Variants in FGF18 observed in about 807,000 individuals in gnomAD.
The protein encoded by FGF18 is fibroblast growth factor 18.
FGF18 carries 5 observed loss-of-function variants against 23.0 expected under a neutral mutation model. The ratio of observed to expected loss-of-function variants is 0.22; its 90% CI spans 0.11 to 0.46. FGF18 has a LOEUF of 0.46. Among genes scored for constraint, FGF18 ranks in the 20% least tolerant of loss-of-function variants. FGF18 has a pLI of 0.99. For synonymous variants in FGF18, 117 were observed against 118.9 expected, an observed-to-expected ratio of 0.98 and a Z score of 0.10; for missense variants, 180 against 291.6, an observed-to-expected ratio of 0.62 and a Z score of 2.79.
chr5:171,449,409 G>T (rs1431051121), intron 4 of FGF18, among the ~76,000 whole-genome samples, 156 bp downstream of exon 4: 2 of 150,528 alleles, frequency 1.3e-5, no homozygotes, highest in African/African-American at 5.0e-5. Context: ...GTGAGAGAGA[G>T]AGAGAGAGAG....
At chr5:171,430,267 A>C (rs1423977039) in intron 2 of FGF18, among the ~76,000 whole-genome samples, 8 of 148,906 alleles carry the variant, frequency 5.4e-5, no homozygotes, top group Admixed American at 3.3e-4. Flanking sequence ...CTGAGGCGGG[A>C]GAATCACATG....
intron 4 of FGF18, among the ~76,000 whole-genome samples, chr5:171,455,457 C>T (rs1001338871): frequency 2.6e-5 from 4 of 152,146 alleles, no homozygotes; most frequent in African/African-American, 7.2e-5. Flanking sequence ...CTGTTGTAAG[C>T]GATAGAACAC....
chr5:171,449,095 G>A (rs1286000027), intron 3 of FGF18, 52 bp from the exon 4 acceptor site: 6 of 1,347,970 alleles, frequency 4.5e-6, no homozygotes, highest in Non-Finnish European at 6.4e-6. Flanking sequence ...TTTAGACCAA[G>A]CCATTGCCCC....
intron 2 of FGF18, among the ~76,000 whole-genome samples, chr5:171,420,828 CA>C (rs1180669076): frequency 6.6e-6 from 1 of 152,240 alleles, no homozygotes; most frequent in Non-Finnish European, 1.5e-5. Context: ...CGCTTCCAAA[CA>C]AAAAGACTTT....
At chr5:171,424,709 G>A (rs927091736) in intron 2 of FGF18, among the ~76,000 whole-genome samples, 2 of 152,126 alleles carry the variant, frequency 1.3e-5, no homozygotes, top group African/African-American at 2.4e-5. Flanking sequence ...TGGGCTTGAG[G>A]GTGTCTGACT....
intron 3 of FGF18, among the ~76,000 whole-genome samples, chr5:171,438,022 G>A (rs1772277730): frequency 6.6e-6 from 1 of 152,102 alleles, no homozygotes; most frequent in Admixed American, 6.5e-5. Flanking sequence ...CCTCAGACAA[G>A]CACTTTGCCT....
At chr5:171,429,541 G>C (rs558471251) in intron 2 of FGF18, among the ~76,000 whole-genome samples, 1 of 152,362 alleles carries the variant, frequency 6.6e-6, no homozygotes, top group Non-Finnish European at 1.5e-5. Flanking sequence ...GAGGAGTGAA[G>C]GTCTCCAGTT....
chr5:171,443,531 T>A (rs1333569340), intron 3 of FGF18, among the ~76,000 whole-genome samples: 3 of 115,024 alleles, frequency 2.6e-5, no homozygotes, highest in Non-Finnish European at 3.7e-5. Flanking sequence ...TTTTTTTTTT[T>A]TAGCAGAGAC....
intron 2 of FGF18, among the ~76,000 whole-genome samples, chr5:171,422,113 T>C (rs1561883025): frequency 6.6e-6 from 1 of 151,844 alleles, no homozygotes; most frequent in Non-Finnish European, 1.5e-5. Context: ...AGCCTCTGGA[T>C]GCCTGCTGCT....
At chr5:171,425,398 T>G (rs1772074769) in intron 2 of FGF18, among the ~76,000 whole-genome samples, 1 of 152,056 alleles carries the variant, frequency 6.6e-6, no homozygotes, top group Non-Finnish European at 1.5e-5. Flanking sequence ...TTTTTGTATT[T>G]TTAGTAGAGA....
chr5:171,423,773 C>CTTTTTTTTTTTT, intron 2 of FGF18, among the ~76,000 whole-genome samples: 1 of 103,334 alleles, frequency 9.7e-6, no homozygotes, highest in Non-Finnish European at 1.9e-5. Flanking sequence ...GTGGATGGCA[C>CTTTTTTTTTTTT]TTTTTTTTTT....
At chr5:171,421,899 C>T (rs987607618) in intron 2 of FGF18, among the ~76,000 whole-genome samples, 3 of 151,998 alleles carry the variant, frequency 2.0e-5, no homozygotes, top group Non-Finnish European at 4.4e-5. Context: ...TGGGGAACGG[C>T]TGGTGTCAAA....
At chr5:171,449,098 A>G (rs1187071453) in intron 3 of FGF18, 49 bp from the exon 4 acceptor site, 1 of 1,387,938 alleles carries the variant, frequency 7.2e-7, no homozygotes, top group Non-Finnish European at 1.0e-6. Flanking sequence ...AGACCAAGCC[A>G]TTGCCCCTGG....
intron 2 of FGF18, among the ~76,000 whole-genome samples, chr5:171,430,794 C>CAAAAAAAAAAAAAA (rs566577499): frequency 1.1e-4 from 6 of 53,832 alleles, no homozygotes; most frequent in African/African-American, 4.7e-4. Context: ...GACTCCGTCT[C>CAAAAAAAAAAAAAA]AAAAAAAAAA....
In FGF18 at chr5:171,434,220, C is replaced by G. The variant is rs1409577284; in HGVS notation, c.70-1873C>G. On this transcript the variant is annotated intron_variant, in intron 2 of 4. Transcript: ENST00000274625. The surrounding 1 kb of genome is among the most constrained non-coding windows in gnomAD (Gnocchi z 4.6). ...GCCTGGGGTTAATTCTGCATTACTG[C>G]TCTGGGGCCTTGTCAGTGGAGCTGA... Among the ~76,000 whole-genome samples the G allele has an allele frequency of 6.6e-6, 1 of 152,226 alleles. No individual in the cohort carries two copies. The highest frequency in any genetic ancestry group is 1.5e-5 in the Non-Finnish European group (1 of 68,036).
intron 3 of FGF18, among the ~76,000 whole-genome samples, chr5:171,437,155 G>A (rs530079036): frequency 1.2e-4 from 18 of 152,330 alleles, no homozygotes; most frequent in African/African-American, 4.3e-4. Context: ...TGGGCCTGGG[G>A]ATCTGGGGCC....
At position 171,456,930 on chromosome 5, in the gene FGF18, G is replaced by A. The variant is rs532572931; in HGVS notation, c.*125G>A. The A allele has an allele frequency of 7.8e-6, 10 of 1,280,072 alleles. No individual in the cohort carries two copies. The African/African-American group carries it at 1.2e-4, about 15-fold the overall frequency. 79.3% of individuals were successfully genotyped at this position (1,280,072 alleles called of 1,614,324 possible). A position where few individuals can be genotyped will look rare whatever the true frequency, so the allele number is the denominator to read the frequency against. The stretch of plus-strand genomic sequence containing the variant: ...CTATTTTTGTACATTGTGTTTAAAA[G>A]AAGACAAAAACTGAACCAAAACTCT... On this transcript the variant is annotated 3_prime_UTR_variant, in exon 5 of 5. Transcript: ENST00000274625. This position sits in a 1 kb window ranked among gnomAD's most constrained non-coding sequence, Gnocchi z 6.1.
chr5:171,440,247 G>T lies in FGF18; in HGVS notation c.250+3974G>T, dbSNP rs184761119. On this transcript the variant is annotated intron_variant, in intron 3 of 4. Transcript: ENST00000274625. This position sits in a 1 kb window ranked among gnomAD's most constrained non-coding sequence, Gnocchi z 4.0. ...GTGTGGGGGGGGGTGGTGCCATCGC[G>T]GGCTCAGGTGAGGAACTGCCATCAG... Among the ~76,000 whole-genome samples the T allele has an allele frequency of 1.3e-3, 192 of 152,064 alleles. No homozygotes were observed. Among genetic ancestry groups the T allele is most frequent in the African/African-American group, 4.2e-3 (176 of 41,488 alleles).
chr5:171,433,537 G>A (rs1451252842), intron 2 of FGF18, among the ~76,000 whole-genome samples: 2 of 152,176 alleles, frequency 1.3e-5, no homozygotes, highest in Non-Finnish European at 2.9e-5. Context: ...GGCCTCAGGA[G>A]CACTGGAGTT....
Sources: gnomAD v4.1 joint callset for allele counts (sites outside exome capture counted in the v4.1 genomes callset) on GRCh38, gnomAD v4.1.1 for gene constraint, Gnocchi (gnomAD v3.1) non-coding constraint, MANE v1.5 for transcripts, NCBI Gene and HGNC (gene_info 2026-07-23, HGNC 2026-07-21) for gene names.